The following GNB5 variants were observed in gnomAD, a reference collection of about 807,000 sequenced individuals.
The protein encoded by GNB5 is G protein subunit beta 5, also known as guanine nucleotide-binding protein subunit beta-5.
A neutral mutation model predicts 55.3 loss-of-function variants in GNB5; 37 were observed. The ratio of observed to expected loss-of-function variants is 0.67; its 90% CI spans 0.51 to 0.88. The LOEUF is 0.88. GNB5 is among the 40% of genes least tolerant of loss of function. GNB5 has a pLI of 0.00. For synonymous variants in GNB5, 219 were observed against 198.5 expected (o/e 1.10, Z -0.87); for missense variants, 476 against 515.3 (o/e 0.92, Z 0.74).
chr15:52,168,340 A>T (rs1388070604), intron 3 of GNB5, among the ~76,000 whole-genome samples: 1 of 151,980 alleles, frequency 6.6e-6, no homozygotes, highest in African/African-American at 2.4e-5. Flanking sequence ...ATCACTAGAG[A>T]GCCAAATCAT....
chr15:52,150,251 A>G (rs2141211252), intron 4 of GNB5, among the ~76,000 whole-genome samples: 1 of 152,228 alleles, frequency 6.6e-6, no homozygotes, highest in East Asian at 1.9e-4. Context: ...CACCTGCCAT[A>G]CCCTAAATGT....
intron 3 of GNB5, among the ~76,000 whole-genome samples, chr15:52,154,443 G>C (rs1472886847): frequency 6.6e-6 from 1 of 152,222 alleles, no homozygotes; most frequent in Non-Finnish European, 1.5e-5. Flanking sequence ...ATGGGCAGGA[G>C]AGTGAGACCG....
intron 3 of GNB5, among the ~76,000 whole-genome samples, chr15:52,155,295 G>A (rs1346838913): frequency 6.6e-6 from 1 of 152,200 alleles, no homozygotes; most frequent in Non-Finnish European, 1.5e-5. Context: ...TTCCCAGGGA[G>A]CTGCTGAGGC....
rs112539098 is a variant in GNB5 at position 52,177,650 on chromosome 15, C to CAA, written c.238+2116_238+2117dup. ...TGGGTGACAGAGGGAGACTCCGTGT[C>CAA]AAAAAAAAAAAAAAAAGAAAAGAAA... On this transcript the variant is annotated intron_variant, in intron 3 of 12. Transcript: ENST00000261837. 7.9e-3 allele frequency among the ~76,000 whole-genome samples: 728 copies of CAA among 92,078 alleles called. 3 individuals carry two copies. Among genetic ancestry groups the CAA allele is most frequent in the African/African-American group, 0.022 (613 of 27,948 alleles). 60.4% of individuals were successfully genotyped at this position (92,078 alleles called of 152,430 possible). A position where few individuals can be genotyped will look rare whatever the true frequency, so the allele number is the denominator to read the frequency against.
At chr15:52,145,620 G>C (rs1056074345) in intron 6 of GNB5, among the ~76,000 whole-genome samples, 4 of 152,060 alleles carry the variant, frequency 2.6e-5, no homozygotes, top group African/African-American at 9.7e-5. Flanking sequence ...ACTCCAGCCT[G>C]GGTGACAGAG....
intron 9 of GNB5, among the ~76,000 whole-genome samples, chr15:52,130,436 T>C (rs964283842): frequency 1.3e-5 from 2 of 152,234 alleles, no homozygotes; most frequent in African/African-American, 4.8e-5. Flanking sequence ...AATAACTTAA[T>C]TGAAACTGCA....
At chr15:52,169,880 A>G (rs193139228) in intron 3 of GNB5, among the ~76,000 whole-genome samples, 1 of 152,168 alleles carries the variant, frequency 6.6e-6, no homozygotes, top group East Asian at 1.9e-4. Flanking sequence ...AAGAAAAAAA[A>G]CCCCATTAAA....
chr15:52,150,653 C>A (rs2034072944), intron 4 of GNB5, among the ~76,000 whole-genome samples: 2 of 152,242 alleles, frequency 1.3e-5, no homozygotes, highest in Admixed American at 6.5e-5. Context: ...GCTGGCCCTG[C>A]CACAGAGAAT....
rs1456848058 is a variant in GNB5, at chr15:52,135,664, G to A, written c.720C>T (p.Val240=). 5 of 1,613,526 alleles carry A rather than the reference G, an allele frequency of 3.1e-6. No individual in the cohort carries two copies. Among genetic ancestry groups the A allele is most frequent in the Admixed American group, 1.7e-5 (1 of 59,930 alleles). The part of the protein sequence containing the change: ...LQSFHGHGAD[V]LCLDLAPSET... ...CTGAGGGGGCCAGGTCCAAGCAGAG[G>A]ACGTCAGCCCCATGTCCGTGGAAGC... is the stretch of plus-strand genomic sequence containing the variant. Residue 240 remains valine (V), a synonymous_variant, in exon 8 of 13, where the codon GTC becomes GTT. Transcript: ENST00000261837.
At position 52,147,300 on chromosome 15, in the gene GNB5, C is replaced by A. The variant is rs1596075173; in HGVS notation, c.494+159G>T. The A allele has an allele frequency of 8.4e-6, 5 of 595,272 alleles. No individual in the cohort carries two copies. In the East Asian group the frequency reaches 1.7e-4, roughly 20 times the overall value. The allele number at this position is 595,272 out of a possible 1,614,324, so 36.9% of individuals were successfully genotyped here. ...TTACAAGCAGGCACCACTGTGCTGGCTTATGGTTTCTTCTTTGATCAAGTT... is the reference window on the plus strand; with the variant it reads ...TTACAAGCAGGCACCACTGTGCTGGATTATGGTTTCTTCTTTGATCAAGTT... On this transcript the variant is annotated intron_variant, in intron 6 of 12. Transcript: ENST00000261837.
intron 6 of GNB5, chr15:52,144,607 C>G (rs1330971771): frequency 6.6e-6 from 1 of 152,050 alleles, no homozygotes; most frequent in Non-Finnish European, 1.5e-5. Flanking sequence ...GCTCTGGCCA[C>G]CAGTTTAATA....
At chr15:52,182,465 C>T (rs1335858499) in intron 2 of GNB5, among the ~76,000 whole-genome samples, 2 of 152,150 alleles carry the variant, frequency 1.3e-5, no homozygotes, top group African/African-American at 4.8e-5. Flanking sequence ...AAATAAACCT[C>T]GAACAGCCTC....
chr15:52,159,396 C>T (rs1243823542), intron 3 of GNB5, among the ~76,000 whole-genome samples: 1 of 152,192 alleles, frequency 6.6e-6, no homozygotes, highest in African/African-American at 2.4e-5. Flanking sequence ...CCATCTGCCG[C>T]ACCACGCTTC....
At chr15:52,126,538 T>C (rs183832978) in intron 10 of GNB5, among the ~76,000 whole-genome samples, 5 of 152,336 alleles carry the variant, frequency 3.3e-5, no homozygotes, top group Admixed American at 2.6e-4. Flanking sequence ...CTTTCTCATA[T>C]CATTAAAAGA....
rs368372307 is a variant in GNB5 at position 52,122,662 on chromosome 15, C to T, written c.*95G>A. The T allele has an allele frequency of 3.0e-6, 3 of 1,007,886 alleles. No homozygotes were observed. The highest frequency in any genetic ancestry group is 4.7e-6 in the Non-Finnish European group (3 of 631,620). The allele number at this position is 1,007,886 out of a possible 1,614,324, so 62.4% of individuals were successfully genotyped here. On this transcript the variant is annotated 3_prime_UTR_variant, in exon 13 of 13. Coordinates refer to ENST00000261837, the MANE Select transcript of GNB5 (RefSeq NM_016194.4). ...CCATGGGTTGCTCCCCTAAGCTACA[C>T]TGCAATAAACTCTAAGCTCCTCTAG...
At chr15:52,181,150 A>G (rs2034762246) in intron 2 of GNB5, 2 of 152,262 alleles carry the variant, frequency 1.3e-5, no homozygotes, top group South Asian at 4.1e-4. Context: ...CCTCCCAGAG[A>G]AGCCAGCCTC....
At chr15:52,175,163 C>T (rs1489714522) in intron 3 of GNB5, among the ~76,000 whole-genome samples, 3 of 152,116 alleles carry the variant, frequency 2.0e-5, no homozygotes, top group African/African-American at 4.8e-5. Context: ...AAAGGGGTCT[C>T]CCTGACTAGG....
At chr15:52,136,957 T>C (rs1176328394) in intron 7 of GNB5, 2 of 453,062 alleles carry the variant, frequency 4.4e-6, no homozygotes, top group Non-Finnish European at 8.8e-6. Context: ...GAGAAAAGAC[T>C]GTGAATCGAT....
chr15:52,184,465 C>G, intron 2 of GNB5, 86 bp downstream of exon 2: 1 of 1,158,640 alleles, frequency 8.6e-7, no homozygotes, highest in Non-Finnish European at 1.3e-6. Context: ...GTTATATAAG[C>G]TGATTCTATG....
Sources: gnomAD v4.1 joint callset for allele counts (sites outside exome capture counted in the v4.1 genomes callset) on GRCh38, gnomAD v4.1.1 for gene constraint, MANE v1.5 for transcripts, NCBI Gene and HGNC (gene_info 2026-07-23, HGNC 2026-07-21) for gene names.